Variants in AP3B2 observed in about 807,000 individuals in gnomAD.
The protein encoded by AP3B2 is AP-3 complex subunit beta-2.
AP3B2 carries 50 observed loss-of-function variants against 126.9 expected under a neutral mutation model. The observed-to-expected ratio is 0.39, with a 90% confidence interval of 0.31 to 0.50. AP3B2 has a LOEUF of 0.50. Among genes scored for constraint, AP3B2 ranks in the 20% least tolerant of loss-of-function variants. The pLI is 0.79. For synonymous variants in AP3B2, 541 were observed against 565.0 expected (o/e 0.96, Z 0.60); for missense variants, 1,177 against 1,426.4 (o/e 0.83, Z 2.82).
intron 14 of AP3B2, among the ~76,000 whole-genome samples, chr15:82,670,195 C>T (rs372829035): frequency 6.4e-4 from 95 of 148,482 alleles, no homozygotes; most frequent in East Asian, 2.7e-3. Flanking sequence ...CTGCAACCTC[C>T]GCCTCCCGGG....
chr15:82,665,363 G>A lies in AP3B2; in HGVS notation c.1972-60C>T. 6.4e-7 allele frequency: 1 copy of A among 1,555,914 alleles called. No individual in the cohort carries two copies. Among genetic ancestry groups the A allele is most frequent in the Non-Finnish European group, 8.7e-7 (1 of 1,145,646 alleles). ...GCCGGCACTGCCAGGGCTCCCTACTGTCTGCCCCCACCAACACACACACAC... is the reference window on the plus strand; with the variant it reads ...GCCGGCACTGCCAGGGCTCCCTACTATCTGCCCCCACCAACACACACACAC... On this transcript the variant is annotated intron_variant, in intron 16 of 26. Transcript: ENST00000535359. This position sits in a 1 kb window ranked among gnomAD's most constrained non-coding sequence, Gnocchi z 4.4.
In AP3B2 at chr15:82,678,138, C is replaced by T; in HGVS notation, c.1212G>A (p.Glu404=). Residue 404 remains glutamate, a synonymous_variant, in exon 11 of 27, where the codon GAG becomes GAA. Transcript: ENST00000535359. The part of the protein sequence containing the change: ...KLEVLTNLAN[E]TNIPTVLREF... ...CCCGTAGGACAGTAGGAATGTTGGT[C>T]TCATTGGCCAGGTTGGTCAGCACTT... The T allele has an allele frequency of 2.5e-6, 4 of 1,613,878 alleles. No homozygotes were observed. Among genetic ancestry groups the T allele is most frequent in the Non-Finnish European group, 3.4e-6 (4 of 1,179,874 alleles).
rs1473490717 is a variant in AP3B2 at position 82,663,118 on chromosome 15, C to T, written c.2604+9G>A. 6.2e-7 allele frequency: 1 copy of T among 1,603,438 alleles called. No individual in the cohort carries two copies. The highest frequency in any genetic ancestry group is 8.5e-7 in the Non-Finnish European group (1 of 1,174,954). ...GCCCCAGCCCGGTCCCCTCCTCCAT[C>T]CCACTCACCGACGGTACCAGGGTGG... On this transcript the variant is annotated intron_variant, in intron 22 of 26. Coordinates refer to ENST00000535359, the MANE Select transcript of AP3B2 (RefSeq NM_001278512.2).
Position 82,680,555 on chromosome 15 carries a change from C to T in AP3B2, c.972G>A (p.Val324=), listed in dbSNP as rs1335508181. 10 of 1,572,456 alleles carry T rather than the reference C, an allele frequency of 6.4e-6. No homozygotes were observed. Among genetic ancestry groups the T allele is most frequent in the Admixed American group, 3.6e-5 (2 of 55,632 alleles). The change falls in exon 8 of 27, where the codon GTG becomes GTA. Residue 324 remains valine (V), a synonymous_variant. Transcript: ENST00000535359. This position sits in a 1 kb window ranked among gnomAD's most constrained non-coding sequence, Gnocchi z 6.1. ...GCGCCAGGTGGAAGTAGAGCTGCGC[C>T]ACCGCCATCACCACCGCGGCGCTGC... ...QSRSAAVVMA[V]AQLYFHLAPK...
At chr15:82,709,016 G>C (rs1048620047) in intron 1 of AP3B2, among the ~76,000 whole-genome samples, 2 of 152,152 alleles carry the variant, frequency 1.3e-5, no homozygotes, top group African/African-American at 4.8e-5. Flanking sequence ...AGAAACAAAC[G>C]AACGAATCAA....
At chr15:82,698,375 A>T (rs915303003) in intron 1 of AP3B2, among the ~76,000 whole-genome samples, 3 of 151,034 alleles carry the variant, frequency 2.0e-5, no homozygotes, top group Non-Finnish European at 4.4e-5. Flanking sequence ...ACTCTCCCAC[A>T]CCCTCTTATA....
chr15:82,678,382 C>T (rs1203275936), intron 10 of AP3B2, among the ~76,000 whole-genome samples: 1 of 152,208 alleles, frequency 6.6e-6, no homozygotes, highest in East Asian at 1.9e-4. Context: ...AGTATGCTTA[C>T]AGTATGACCA....
Position 82,676,433 on chromosome 15 carries a change from ATCTGGGGGGTCATC to A in AP3B2, c.1665+14_1665+27del. 6.2e-7 allele frequency: 1 copy of A among 1,610,006 alleles called. No individual in the cohort carries two copies. The highest frequency in any genetic ancestry group is 8.5e-7 in the Non-Finnish European group (1 of 1,177,504). ...CTAGGGAGTTTCTGGGGACCAGAGT[ATCTGGGGGGTCATC>A]TCTTAATCTTTACCTGTTTAGAGTT... On this transcript the variant is annotated intron_variant, in intron 14 of 26. Coordinates refer to ENST00000535359, the MANE Select transcript of AP3B2 (RefSeq NM_001278512.2).
chr15:82,709,647 G>A lies in AP3B2; in HGVS notation c.60C>T (p.Pro20=). Residue 20 remains proline (P), a synonymous_variant, in exon 1 of 27, where the codon CCC becomes CCT. Coordinates refer to ENST00000535359, the MANE Select transcript of AP3B2 (RefSeq NM_001278512.2). ...DKGGSAGPGE[P]EYGHDPASGG... ...CGCTCGCGGGGTCGTGGCCGTACTC[G>A]GGCTCCCCGGGGCCAGCGGAGCCGC... 2.0e-6 allele frequency: 3 copies of A among 1,518,520 alleles called. No individual in the cohort carries two copies. The highest frequency in any genetic ancestry group is 1.2e-5 in the South Asian group (1 of 81,478). 94.1% of individuals were successfully genotyped at this position (1,518,520 alleles called of 1,614,324 possible). A position where few individuals can be genotyped will look rare whatever the true frequency, so the allele number is the denominator to read the frequency against.
Position 82,680,221 on chromosome 15 carries a change from T to G in AP3B2, c.1064A>C (p.Gln355Pro). The change falls in exon 9 of 27, where the codon CAG becomes CCG. Residue 355 changes from glutamine (Q) to proline (P), a missense_variant. Around this residue, in one of 5 missense-constraint regions of AP3B2, gnomAD observed 308 missense variants for 452.4 expected, o/e 0.68. Coordinates refer to ENST00000535359, the MANE Select transcript of AP3B2 (RefSeq NM_001278512.2). The surrounding 1 kb of genome is among the most constrained non-coding windows in gnomAD (Gnocchi z 6.1). ...GGCCACGTTCTGGAGCACAACGTAC[T>G]GCACCTCACTGCGGAGAGGACGGGT... Reference protein sequence around the residue: ...VRLLRSHSEVQYVVLQNVATM... With the variant: ...VRLLRSHSEVPYVVLQNVATM... 6.2e-7 allele frequency: 1 copy of G among 1,613,606 alleles called. No individual in the cohort carries two copies. The highest frequency in any genetic ancestry group is 8.5e-7 in the Non-Finnish European group (1 of 1,179,796).
intron 1 of AP3B2, among the ~76,000 whole-genome samples, chr15:82,706,145 C>T (rs185524997): frequency 6.6e-6 from 1 of 152,216 alleles, no homozygotes; most frequent in Admixed American, 6.5e-5. Flanking sequence ...CTTTCAGAGG[C>T]CCTCAAAATC....
chr15:82,702,351 G>A (rs1294929558), intron 1 of AP3B2, among the ~76,000 whole-genome samples: 1 of 152,136 alleles, frequency 6.6e-6, no homozygotes, highest in East Asian at 1.9e-4. Context: ...TCCAGTTGCA[G>A]GAACTAGTAA....
intron 1 of AP3B2, chr15:82,691,864 A>G: frequency 7.7e-7 from 1 of 1,291,436 alleles, no homozygotes; most frequent in Non-Finnish European, 1.1e-6. Context: ...AGGAAGTTTC[A>G]CTATCATGAG....
chr15:82,677,150 C>T (rs2048256069), intron 13 of AP3B2, 124 bp downstream of exon 13: 2 of 821,024 alleles, frequency 2.4e-6, no homozygotes, highest in Non-Finnish European at 4.0e-6. Flanking sequence ...TGTCTCTGCT[C>T]CTTCCACCTG....
intron 14 of AP3B2, among the ~76,000 whole-genome samples, chr15:82,668,429 T>C (rs1209953428): frequency 6.6e-6 from 1 of 152,236 alleles, no homozygotes; most frequent in Admixed American, 6.5e-5. Flanking sequence ...TGGATGCCCT[T>C]ACCAACATAG....
intron 4 of AP3B2, chr15:82,685,719 G>C (rs1442872102): frequency 3.3e-5 from 5 of 152,162 alleles, no homozygotes; most frequent in Admixed American, 1.3e-4. Flanking sequence ...AACTAGGCCG[G>C]TGGATATTAG....
At chr15:82,683,290 C>T (rs1596185260) in intron 4 of AP3B2, among the ~76,000 whole-genome samples, 1 of 151,980 alleles carries the variant, frequency 6.6e-6, no homozygotes, top group Non-Finnish European at 1.5e-5. Context: ...ATCTCCTGAC[C>T]TCGTGATCCA....
rs1270712504 is a variant in AP3B2 at position 82,665,317 on chromosome 15, G to T, written c.1972-14C>A. On this transcript the variant is annotated splice_polypyrimidine_tract_variant and intron_variant, in intron 16 of 26. Coordinates refer to ENST00000535359, the MANE Select transcript of AP3B2 (RefSeq NM_001278512.2). The surrounding 1 kb of genome is among the most constrained non-coding windows in gnomAD (Gnocchi z 4.4). ...GAGATCTTCTTCCTGTGTGTGTGGG[G>T]GAGGGTGTTAGGAGGGCTGGGCCGG... 3 of 1,576,498 alleles carry T rather than the reference G, an allele frequency of 1.9e-6. No homozygotes were observed. The Admixed American group carries it at 5.4e-5, about 29-fold the overall frequency.
intron 4 of AP3B2, chr15:82,687,627 G>A (rs2048452160): frequency 6.6e-6 from 1 of 152,220 alleles, no homozygotes; most frequent in Non-Finnish European, 1.5e-5. Flanking sequence ...GTATATTCAA[G>A]TGACCATGCT....
Sources: allele counts gnomAD v4.1 joint callset (sites outside exome capture counted in the v4.1 genomes callset), GRCh38; gene constraint gnomAD v4.1.1; regional missense constraint gnomAD v4.1.1; non-coding constraint Gnocchi (gnomAD v3.1); transcripts MANE v1.5; gene names NCBI Gene and HGNC (gene_info 2026-07-23, HGNC 2026-07-21).